Variants in GASK1A observed in about 807,000 individuals in gnomAD.
GASK1A encodes the protein golgi associated kinase 1A.
A neutral mutation model predicts 41.2 loss-of-function variants in GASK1A; 40 were observed. The observed-to-expected ratio is 0.97, with a 90% CI of 0.75 to 1.27. GASK1A has a LOEUF of 1.27. Among genes scored for constraint, GASK1A ranks in the 50% most tolerant of loss-of-function variants. The pLI, the probability that GASK1A is intolerant of heterozygous loss-of-function variation, is 0.00. For missense variants in GASK1A, 678 were observed against 745.1 expected, an observed-to-expected ratio of 0.91 and a Z score of 1.05; for synonymous variants, 316 against 307.1, an observed-to-expected ratio of 1.03 and a Z score of -0.30.
chr3:43,007,338 A>G (rs77651679), intron 1 of GASK1A, among the ~76,000 whole-genome samples: 123 of 152,218 alleles, frequency 8.1e-4, no homozygotes, highest in African/African-American at 2.6e-3. Context: ...ACTGCCCTCA[A>G]CTGTCCCAGG....
intron 1 of GASK1A, among the ~76,000 whole-genome samples, chr3:43,010,407 A>G (rs1344376347): frequency 1.3e-5 from 2 of 152,216 alleles, no homozygotes; most frequent in Non-Finnish European, 2.9e-5. Flanking sequence ...GAATTTGAGA[A>G]ACACCATTAT....
intron 1 of GASK1A, among the ~76,000 whole-genome samples, chr3:42,999,246 C>T (rs144668549): frequency 0.01 from 1,564 of 152,302 alleles, 15 homozygotes; most frequent in Non-Finnish European, 0.014. Context: ...GAAGGCAATG[C>T]GTGCATTGTT....
chr3:42,983,369 T>G (rs756324517), intron 1 of GASK1A, among the ~76,000 whole-genome samples: 3 of 152,102 alleles, frequency 2.0e-5, no homozygotes, highest in Non-Finnish European at 4.4e-5. Flanking sequence ...AAGTCACAGG[T>G]GCCTTTCATT....
intron 1 of GASK1A, among the ~76,000 whole-genome samples, chr3:42,986,877 C>G (rs969658693): frequency 6.6e-6 from 1 of 152,142 alleles, no homozygotes; most frequent in Non-Finnish European, 1.5e-5. Flanking sequence ...ACCTCCAGCC[C>G]TTGGTAATCT....
chr3:43,006,577 A>C (rs2089436802), intron 1 of GASK1A, among the ~76,000 whole-genome samples: 1 of 152,154 alleles, frequency 6.6e-6, no homozygotes, highest in Non-Finnish European at 1.5e-5. Flanking sequence ...ATTCTTGATT[A>C]CTTGGTATAA....
In GASK1A at chr3:42,984,283, G is replaced by T. The variant is rs1394910264; in HGVS notation, c.3+4638G>T. Among the ~76,000 whole-genome samples, 1 of 146,380 alleles carries T rather than the reference G, an allele frequency of 6.8e-6. No individual in the cohort carries two copies. Among genetic ancestry groups the T allele is most frequent in the African/African-American group, 2.5e-5 (1 of 39,994 alleles). ...ATCCCAGGCCGCCCTTCTTTATGTGGATTTCACTTCCTATCTCTCTCTCTC... is the reference window on the plus strand; with the variant it reads ...ATCCCAGGCCGCCCTTCTTTATGTGTATTTCACTTCCTATCTCTCTCTCTC... On this transcript the variant is annotated intron_variant, in intron 1 of 4. Coordinates refer to ENST00000430121, the MANE Select transcript of GASK1A (RefSeq NM_001129908.3). The surrounding 1 kb of genome is among the most constrained non-coding windows in gnomAD (Gnocchi z 4.2).
intron 2 of GASK1A, among the ~76,000 whole-genome samples, 200 bp downstream of exon 2, chr3:43,033,753 A>G (rs1328513972): frequency 6.6e-6 from 1 of 152,240 alleles, no homozygotes; most frequent in Non-Finnish European, 1.5e-5. Flanking sequence ...TCAGCTCACA[A>G]GAGCTGATGG....
chr3:42,980,160 A>C (rs1163895075), intron 1 of GASK1A, among the ~76,000 whole-genome samples: 1 of 152,240 alleles, frequency 6.6e-6, no homozygotes, highest in Non-Finnish European at 1.5e-5. Context: ...TAAGGTTCCA[A>C]TCCGCCTTCC....
chr3:43,001,368 C>T (rs554278547), intron 1 of GASK1A, among the ~76,000 whole-genome samples: 2 of 152,310 alleles, frequency 1.3e-5, no homozygotes, highest in African/African-American at 2.4e-5. Flanking sequence ...TAAATCCAAA[C>T]AGCACGTGGC....
chr3:43,053,102 A>G (rs2089698726), intron 2 of GASK1A, among the ~76,000 whole-genome samples: 2 of 152,194 alleles, frequency 1.3e-5, no homozygotes, highest in Admixed American at 1.3e-4. Flanking sequence ...TGAGATGATC[A>G]TTGAAGGACT....
At position 43,032,179 on chromosome 3, in the gene GASK1A, C is replaced by T. The variant is rs1285677399; in HGVS notation, c.4-88C>T. The T allele has an allele frequency of 3.8e-6, 4 of 1,062,312 alleles. No homozygotes were observed. In the Admixed American group the frequency reaches 8.1e-5, roughly 22 times the overall value. The allele number at this position is 1,062,312 out of a possible 1,614,324, so 65.8% of individuals were successfully genotyped here. ...TTCTCTTTCTCTCATGAACTGAGCACCTCATTTGCTTACCATCCCCATTGT... is the reference window on the plus strand; with the variant it reads ...TTCTCTTTCTCTCATGAACTGAGCATCTCATTTGCTTACCATCCCCATTGT... On this transcript the variant is annotated intron_variant, in intron 1 of 4. Transcript: ENST00000430121.
chr3:43,043,189 C>T (rs1340698689), intron 2 of GASK1A, among the ~76,000 whole-genome samples: 3 of 152,204 alleles, frequency 2.0e-5, no homozygotes, highest in Non-Finnish European at 4.4e-5. Flanking sequence ...CCGTGAAGGT[C>T]CCAGGCCTGT....
At chr3:43,040,871 A>ACCC (rs2089632961) in intron 2 of GASK1A, among the ~76,000 whole-genome samples, 1 of 60,444 alleles carries the variant, frequency 1.7e-5, no homozygotes, top group Non-Finnish European at 5.0e-5. Flanking sequence ...TCCCAATGCT[A>ACCC]TCCCTCCCCC....
rs375353072 is a variant in GASK1A at position 43,032,556 on chromosome 3, G to A, written c.293G>A (p.Arg98Lys). The A allele has an allele frequency of 1.9e-6, 3 of 1,550,186 alleles. No individual in the cohort carries two copies. The highest frequency in any genetic ancestry group is 2.6e-6 in the Non-Finnish European group (3 of 1,145,676). The part of the protein sequence containing the change: ...ILVCAEEQGH[R>K]ARVDRSRESP... ...GTCTGTGCTGAGGAGCAAGGCCATA[G>A]AGCAAGAGTGGACAGAAGCAGGGAG... is the stretch of plus-strand genomic sequence containing the variant. The change falls in exon 2 of 5, where the codon AGA becomes AAA. Residue 98 changes from arginine to lysine, a missense_variant. Transcript: ENST00000430121.
chr3:43,018,134 C>T (rs1347227350), intron 1 of GASK1A, among the ~76,000 whole-genome samples: 3 of 152,208 alleles, frequency 2.0e-5, no homozygotes, highest in East Asian at 3.9e-4. Flanking sequence ...CAGATTTCTT[C>T]CCCATGCTTA....
Position 43,014,996 on chromosome 3 carries a change from G to A in GASK1A, c.4-17271G>A, listed in dbSNP as rs116399747. On this transcript the variant is annotated intron_variant, in intron 1 of 4. Coordinates refer to ENST00000430121, the MANE Select transcript of GASK1A (RefSeq NM_001129908.3). ...TTGAGGTCACAGGAAGGGACTGTGT[G>A]AAGCCACAGGAAGGGACAGTGAGAA... 2.8e-3 allele frequency among the ~76,000 whole-genome samples: 429 copies of A among 152,190 alleles called. 1 individual carries two copies. Among genetic ancestry groups the A allele is most frequent in the African/African-American group, 9.9e-3 (413 of 41,510 alleles).
intron 1 of GASK1A, among the ~76,000 whole-genome samples, chr3:42,981,321 A>G (rs2089281958): frequency 6.6e-6 from 1 of 152,198 alleles, no homozygotes; most frequent in Non-Finnish European, 1.5e-5. Context: ...CTTGAGGTCC[A>G]GAGACCACAG....
At chr3:43,038,819 C>T (rs1435417939) in intron 2 of GASK1A, among the ~76,000 whole-genome samples, 1 of 152,050 alleles carries the variant, frequency 6.6e-6, no homozygotes, top group Non-Finnish European at 1.5e-5. Context: ...AGGTGTAATT[C>T]CCCAACCCCT....
At chr3:43,012,059 G>A (rs2089466153) in intron 1 of GASK1A, among the ~76,000 whole-genome samples, 1 of 151,678 alleles carries the variant, frequency 6.6e-6, no homozygotes, top group Admixed American at 6.6e-5. Flanking sequence ...GGAAGGGACA[G>A]TGTTGAGCCA....
Sources: gnomAD v4.1 joint callset for allele counts (sites outside exome capture counted in the v4.1 genomes callset) on GRCh38, gnomAD v4.1.1 for gene constraint, Gnocchi (gnomAD v3.1) non-coding constraint, MANE v1.5 for transcripts, NCBI Gene and HGNC (gene_info 2026-07-23, HGNC 2026-07-21) for gene names.